Variants in ZNF577 observed in about 807,000 individuals in gnomAD.
ZNF577 encodes the protein zinc finger protein 577.
Under a neutral mutation model 13.9 loss-of-function variants are expected in ZNF577, and 14 were observed. The observed-to-expected ratio is 1.00, with a 90% confidence interval of 0.66 to 1.57. The LOEUF is 1.57. Ranked by LOEUF, ZNF577 falls within the 40% of genes most tolerant of loss-of-function variation. The pLI, the probability that ZNF577 is intolerant of heterozygous loss-of-function variation, is 0.00. For missense variants in ZNF577, 555 were observed against 579.2 expected (o/e 0.96, Z 0.43); for synonymous variants, 203 against 202.9 (o/e 1.00, Z 0.00).
chr19:51,863,910 A>G (rs916628248), downstream of ZNF577, among the ~76,000 whole-genome samples: 1 of 152,244 alleles, frequency 6.6e-6, no homozygotes, highest in African/African-American at 2.4e-5. Flanking sequence ...ATGTTATACC[A>G]AAACATTTTT....
At chr19:51,839,405 CATA>C (rs1043554473) in intron 9 of ZNF577, among the ~76,000 whole-genome samples, 1 of 151,960 alleles carries the variant, frequency 6.6e-6, no homozygotes, top group South Asian at 2.1e-4. Context: ...AATGATTAAA[CATA>C]ATAATAATAA....
intron 9 of ZNF577, among the ~76,000 whole-genome samples, chr19:51,819,110 T>TGA (rs1163263168): frequency 4.1e-4 from 63 of 152,334 alleles, no homozygotes; most frequent in African/African-American, 1.4e-3. Context: ...AGGTGAGTTC[T>TGA]ACATTTAGAG....
chr19:51,836,069 A>G (rs2084286043), intron 9 of ZNF577, among the ~76,000 whole-genome samples: 2 of 152,248 alleles, frequency 1.3e-5, no homozygotes, highest in South Asian at 2.1e-4. Flanking sequence ...AGTGGTTTTA[A>G]AAAGTTTTTC....
intron 9 of ZNF577, chr19:51,839,777 C>A (rs1200692858): frequency 6.6e-6 from 1 of 152,256 alleles, no homozygotes; most frequent in Non-Finnish European, 1.5e-5. Flanking sequence ...AGTGGCTAAC[C>A]CCCAGCTTCA....
At position 51,872,389 on chromosome 19, in the gene ZNF577, G is replaced by A. The variant is rs1376818900; in HGVS notation, c.*143C>T. On this transcript the variant is annotated 3_prime_UTR_variant, in exon 6 of 6. Transcript: ENST00000638348. ...ATTTCTACCCAACATGATTTCAATG[G>A]TGTTTAACAGGTTTGACTTCTCACA... 1 of 647,858 alleles carries A rather than the reference G, an allele frequency of 1.5e-6. No homozygotes were observed. Among genetic ancestry groups the A allele is most frequent in the Middle Eastern group, 4.3e-4 (1 of 2,340 alleles). The allele number at this position is 647,858 out of a possible 1,614,324, so 40.1% of individuals were successfully genotyped here. A position where few individuals can be genotyped will look rare whatever the true frequency, so the allele number is the denominator to read the frequency against.
chr19:51,864,519 T>C (rs542174704), downstream of ZNF577, among the ~76,000 whole-genome samples: 3 of 152,300 alleles, frequency 2.0e-5, no homozygotes, highest in South Asian at 6.2e-4. Context: ...ATCATAATTT[T>C]GGCAAGAGAT....
exon 6 of ZNF577, chr19:51,844,909 G>A (rs749166584): frequency 8.5e-5 from 13 of 152,110 alleles, no homozygotes; most frequent in Non-Finnish European, 1.8e-4. Flanking sequence ...TACAGGAGCT[G>A]CCTCATTCTA....
At chr19:51,830,483 A>G (rs565761957) in intron 9 of ZNF577, among the ~76,000 whole-genome samples, 34 of 152,296 alleles carry the variant, frequency 2.2e-4, no homozygotes, top group African/African-American at 8.2e-4. Flanking sequence ...GACTACTCTT[A>G]TCAAGGACAA....
chr19:51,865,582 C>A (rs78317124), downstream of ZNF577, among the ~76,000 whole-genome samples: 5,530 of 152,216 alleles, frequency 0.036, 282 homozygotes, highest in African/African-American at 0.11. Flanking sequence ...TTGTGAGAAT[C>A]TAAGTCAATA....
At chr19:51,833,874 G>A (rs1342881265) in intron 9 of ZNF577, among the ~76,000 whole-genome samples, 1 of 152,084 alleles carries the variant, frequency 6.6e-6, no homozygotes, top group African/African-American at 2.4e-5. Context: ...TTTTCTTTTA[G>A]TTTTAGTTCA....
intron 9 of ZNF577, among the ~76,000 whole-genome samples, chr19:51,832,698 TTTAA>T (rs2084266758): frequency 6.6e-6 from 1 of 152,234 alleles, no homozygotes; most frequent in African/African-American, 2.4e-5. Context: ...ATAATCCATC[TTTAA>T]TTATCTTTTG....
chr19:51,863,940 A>C (rs564255826), downstream of ZNF577, among the ~76,000 whole-genome samples: 99 of 152,284 alleles, frequency 6.5e-4, no homozygotes, highest in Non-Finnish European at 4.4e-5. Context: ...GTAAACAAAA[A>C]CGTTTAGGCC....
At chr19:51,851,473 G>A (rs886147469) in intron 5 of ZNF577, among the ~76,000 whole-genome samples, 1 of 152,092 alleles carries the variant, frequency 6.6e-6, no homozygotes, top group African/African-American at 2.4e-5. Context: ...TAAGTGGTGG[G>A]TTACTATTCT....
chr19:51,884,426 T>G (rs2084911051), intron 1 of ZNF577, among the ~76,000 whole-genome samples: 1 of 152,096 alleles, frequency 6.6e-6, no homozygotes, highest in African/African-American at 2.4e-5. Flanking sequence ...ATATGACAGA[T>G]GAATATGAAT....
intron 5 of ZNF577, among the ~76,000 whole-genome samples, chr19:51,852,257 C>T (rs890711539): frequency 3.3e-5 from 5 of 152,216 alleles, no homozygotes; most frequent in Admixed American, 3.3e-4. Context: ...AGACAGCGTG[C>T]TGGCCATTCT....
In ZNF577 at chr19:51,873,111, T is replaced by C; in HGVS notation, c.879A>G (p.Thr293=). ...AYLTAHQRLH[T]GDKPYKCSDC... ...CACTGCATTTATAAGGCTTATCTCC[T>C]GTGTGAAGTCTCTGGTGTGCAGTGA... Residue 293 remains threonine (T), a synonymous_variant, in exon 6 of 6, where the codon ACA becomes ACG. Transcript: ENST00000638348. 6.2e-7 allele frequency: 1 copy of C among 1,614,244 alleles called. No individual in the cohort carries two copies. Among genetic ancestry groups the C allele is most frequent in the Non-Finnish European group, 8.5e-7 (1 of 1,180,038 alleles).
chr19:51,873,631 T>A lies in ZNF577; in HGVS notation c.359A>T (p.His120Leu), dbSNP rs1295622013. ...AFGGYGRSCL[H>L]IKRDKTLTGV... The stretch of plus-strand genomic sequence containing the variant: ...AGTAAGAGTTTTGTCACGCTTGATA[T>A]GGAGGCATGATCTCCCATATCCACC... Residue 120 changes from histidine (H) to leucine (L), a missense_variant, in exon 6 of 6, where the codon CAT (histidine) becomes CTT (leucine). Coordinates refer to ENST00000638348, the MANE Select transcript of ZNF577 (RefSeq NM_001370449.1). 6.2e-7 allele frequency: 1 copy of A among 1,614,224 alleles called. No homozygotes were observed. The highest frequency in any genetic ancestry group is 1.1e-5 in the South Asian group (1 of 91,092).
rs763182556 is a variant in ZNF577 at position 51,872,481 on chromosome 19, G to A, written c.*51C>T. 4 of 1,419,804 alleles carry A rather than the reference G, an allele frequency of 2.8e-6. No homozygotes were observed. The South Asian group carries it at 5.8e-5, about 20-fold the overall frequency. 88.0% of individuals were successfully genotyped at this position (1,419,804 alleles called of 1,614,324 possible). On this transcript the variant is annotated 3_prime_UTR_variant, in exon 6 of 6. Transcript: ENST00000638348. Reference sequence around the variant, plus strand: ...CTAAATGAGCTCTCTGGGATATAATGGCTGGAGGATTCCTACTAAAGATTT... The same window carrying A: ...CTAAATGAGCTCTCTGGGATATAATAGCTGGAGGATTCCTACTAAAGATTT...
intron 5 of ZNF577, among the ~76,000 whole-genome samples, chr19:51,850,063 T>C (rs549684356): frequency 1.6e-4 from 24 of 152,092 alleles, no homozygotes; most frequent in African/African-American, 5.3e-4. Flanking sequence ...GAGAGAAGGG[T>C]TGACTAAAAT....
Sources: allele counts gnomAD v4.1 joint callset (sites outside exome capture counted in the v4.1 genomes callset), GRCh38; gene constraint gnomAD v4.1.1; transcripts MANE v1.5; gene names NCBI Gene and HGNC (gene_info 2026-07-23, HGNC 2026-07-21).